Variants in TBC1D32 observed in about 807,000 individuals in gnomAD.
The protein encoded by TBC1D32 is protein broad-minded.
In TBC1D32, 151 loss-of-function variants were observed where a neutral mutation model predicts 170.3. The ratio of observed to expected loss-of-function variants is 0.89; its 90% CI spans 0.78 to 1.01. TBC1D32 has a LOEUF of 1.01. TBC1D32 is among the 50% of genes least tolerant of loss of function. The pLI is 0.00. For synonymous variants in TBC1D32, 498 were observed against 488.0 expected, an observed-to-expected ratio of 1.02 and a Z score of -0.27; for missense variants, 1,464 against 1,457.1, an observed-to-expected ratio of 1.00 and a Z score of -0.08.
rs1343632904 is a variant in TBC1D32, at chr6:121,145,772, A to C, written c.2774-14020T>G. On this transcript the variant is annotated intron_variant, in intron 24 of 31. Coordinates refer to ENST00000398212, the MANE Select transcript of TBC1D32 (RefSeq NM_152730.6). ...AATTTTTAAAATTGCAGTGGTAAAA[A>C]TCAGGTTCACTCAGGAGACTGGTGA... 3.3e-5 allele frequency among the ~76,000 whole-genome samples: 5 copies of C among 152,304 alleles called. No homozygotes were observed. The South Asian group carries it at 8.3e-4, about 25-fold the overall frequency.
chr6:121,129,501 T>C (rs151336868), intron 25 of TBC1D32, among the ~76,000 whole-genome samples: 10 of 152,290 alleles, frequency 6.6e-5, no homozygotes, highest in African/African-American at 2.4e-4. Flanking sequence ...AATGAAATAG[T>C]ATAGTTTATA....
intron 26 of TBC1D32, among the ~76,000 whole-genome samples, chr6:121,124,825 T>C (rs1020379931): frequency 3.9e-5 from 6 of 152,298 alleles, no homozygotes; most frequent in African/African-American, 1.4e-4. Flanking sequence ...TATTACATTT[T>C]TTCATTTTCC....
intron 22 of TBC1D32, among the ~76,000 whole-genome samples, chr6:121,179,450 C>T (rs905828929): frequency 1.3e-5 from 2 of 150,692 alleles, no homozygotes; most frequent in African/African-American, 4.9e-5. Context: ...TTAACAATAG[C>T]AAAAAATATA....
At chr6:121,318,846 T>C (rs552939579) in intron 2 of TBC1D32, among the ~76,000 whole-genome samples, 51 of 150,904 alleles carry the variant, frequency 3.4e-4, no homozygotes, top group African/African-American at 1.1e-3. Flanking sequence ...ACTAGGAAAA[T>C]ATGCACAGAA....
chr6:121,119,039 A>G (rs1779982362), intron 26 of TBC1D32, among the ~76,000 whole-genome samples: 1 of 152,146 alleles, frequency 6.6e-6, no homozygotes, highest in Non-Finnish European at 1.5e-5. Context: ...CAGCACAAGT[A>G]CTACGCCTGC....
chr6:121,195,015 G>A (rs1420095636), intron 22 of TBC1D32, among the ~76,000 whole-genome samples: 1 of 152,242 alleles, frequency 6.6e-6, no homozygotes, highest in Non-Finnish European at 1.5e-5. Flanking sequence ...CTTCTAAAGT[G>A]AAGGATAAGT....
rs1019492644 is a variant in TBC1D32 at position 121,079,588 on chromosome 6, A to G, written c.*1183T>C. ...CAATTAGAAAAACTTATTGAAATAA[A>G]CTCATGACTAAAAATGAATAATGTA... On this transcript the variant is annotated 3_prime_UTR_variant, in exon 32 of 32. Transcript: ENST00000398212. The G allele has an allele frequency of 1.3e-5, 2 of 152,160 alleles. No individual in the cohort carries two copies. Among genetic ancestry groups the G allele is most frequent in the Non-Finnish European group, 2.9e-5 (2 of 67,986 alleles). The allele number at this position is 152,160 out of a possible 1,614,324, so 9.4% of individuals were successfully genotyped here.
chr6:121,314,790 G>C (rs571538837), intron 3 of TBC1D32, among the ~76,000 whole-genome samples: 1 of 152,276 alleles, frequency 6.6e-6, no homozygotes, highest in African/African-American at 2.4e-5. Context: ...GAGATGTTCA[G>C]TTTGAAATTA....
At chr6:121,094,696 C>T (rs1158492735) in intron 30 of TBC1D32, among the ~76,000 whole-genome samples, 2 of 152,088 alleles carry the variant, frequency 1.3e-5, no homozygotes, top group Non-Finnish European at 2.9e-5. Context: ...ATAGGTTCCC[C>T]TCCTTTCCTC....
chr6:121,095,634 TAGCATGAAGGG>T (rs1377718076), intron 30 of TBC1D32, among the ~76,000 whole-genome samples: 2 of 152,166 alleles, frequency 1.3e-5, no homozygotes, highest in Non-Finnish European at 2.9e-5. Flanking sequence ...TGCGAGTTTT[TAGCATGAAGGG>T]GTGCTGAATT....
At chr6:121,159,866 A>G (rs1722092320) in intron 24 of TBC1D32, 144 bp downstream of exon 24, 2 of 543,692 alleles carry the variant, frequency 3.7e-6, no homozygotes, top group Non-Finnish European at 6.4e-6. Flanking sequence ...AAACATGAGG[A>G]AAAAAATACA....
intron 3 of TBC1D32, among the ~76,000 whole-genome samples, chr6:121,311,559 C>T (rs1010126722): frequency 6.6e-6 from 1 of 152,006 alleles, no homozygotes; most frequent in Non-Finnish European, 1.5e-5. Flanking sequence ...GAAACCCTGT[C>T]TCTACTAAAA....
At chr6:121,092,721 T>C (rs2128177552) in intron 30 of TBC1D32, among the ~76,000 whole-genome samples, 1 of 152,290 alleles carries the variant, frequency 6.6e-6, no homozygotes, top group East Asian at 1.9e-4. Flanking sequence ...AGTACATGTC[T>C]GTGTCCCAAT....
chr6:121,131,241 G>A (rs1781407913), intron 25 of TBC1D32, among the ~76,000 whole-genome samples: 1 of 151,596 alleles, frequency 6.6e-6, no homozygotes, highest in Non-Finnish European at 1.5e-5. Context: ...TTCCTTAGGA[G>A]TCACTAAATT....
chr6:121,137,105 T>TGAATGAAATACAGGCTCCTG (rs1782178627), intron 24 of TBC1D32, among the ~76,000 whole-genome samples: 1 of 152,128 alleles, frequency 6.6e-6, no homozygotes, highest in Non-Finnish European at 1.5e-5. Flanking sequence ...GACTGCTTTC[T>TGAATGAAATACAGGCTCCTG]GAATGAAATA....
At chr6:121,260,681 A>G (rs1174067028) in intron 15 of TBC1D32, among the ~76,000 whole-genome samples, 3 of 152,154 alleles carry the variant, frequency 2.0e-5, no homozygotes, top group South Asian at 2.1e-4. Context: ...AGCCCACGCC[A>G]CTGAGGCCTT....
intron 21 of TBC1D32, among the ~76,000 whole-genome samples, chr6:121,214,634 C>A (rs1023542241): frequency 6.6e-6 from 1 of 152,144 alleles, no homozygotes; most frequent in Non-Finnish European, 1.5e-5. Flanking sequence ...AACCACAGAG[C>A]CCCAAAGAGG....
chr6:121,157,596 T>C (rs1422361535), intron 24 of TBC1D32, among the ~76,000 whole-genome samples: 1 of 152,144 alleles, frequency 6.6e-6, no homozygotes, highest in Non-Finnish European at 1.5e-5. Flanking sequence ...TCCTTTATAC[T>C]GTCTGTGAGT....
At chr6:121,298,606 T>A (rs963288246) in intron 10 of TBC1D32, among the ~76,000 whole-genome samples, 1 of 152,108 alleles carries the variant, frequency 6.6e-6, no homozygotes, top group East Asian at 1.9e-4. Flanking sequence ...TCTTTAAAAA[T>A]TTTGAAGTAT....
Sources: allele counts gnomAD v4.1 joint callset (sites outside exome capture counted in the v4.1 genomes callset), GRCh38; gene constraint gnomAD v4.1.1; transcripts MANE v1.5; gene names NCBI Gene and HGNC (gene_info 2026-07-23, HGNC 2026-07-21).